C3orf22: variants seen among roughly 807,000 people sequenced by gnomAD.
C3orf22 encodes the protein uncharacterized protein C3orf22.
Under a neutral mutation model 10.8 loss-of-function variants are expected in C3orf22, and 7 were observed. The ratio of observed to expected loss-of-function variants is 0.65; its 90% CI spans 0.37 to 1.22. The LOEUF is 1.22. Among genes scored for constraint, C3orf22 ranks in the 50% most tolerant of loss-of-function variants. The pLI is 0.02. For missense variants in C3orf22, 173 were observed against 177.0 expected (o/e 0.98, Z 0.13); for synonymous variants, 79 against 78.9 (o/e 1.00, Z 0.00).
Position 126,552,023 on chromosome 3 carries a change from C to A in C3orf22, c.189G>T (p.Val63=). ...TVQLPLQKRL[V]PTRSIPVRGL... Reference sequence around the variant, plus strand: ...CTCGGACTGGGATGGACCTCGTTGGCACCAACCTCTTCTGCAGGGGCAGCT... The same window carrying A: ...CTCGGACTGGGATGGACCTCGTTGGAACCAACCTCTTCTGCAGGGGCAGCT... Residue 63 remains valine (V), a synonymous_variant, in exon 3 of 4, where the codon GTG becomes GTT. Coordinates refer to ENST00000318225, the MANE Select transcript of C3orf22 (RefSeq NM_152533.3). 6.2e-7 allele frequency: 1 copy of A among 1,613,444 alleles called. No individual in the cohort carries two copies. The highest frequency in any genetic ancestry group is 2.2e-5 in the East Asian group (1 of 44,846).
intron 1 of C3orf22, 133 bp from the exon 2 acceptor site, chr3:126,553,563 G>A (rs1050010418): frequency 4.8e-5 from 30 of 626,930 alleles, no homozygotes; most frequent in East Asian, 3.5e-4. Context: ...TGCATGCACC[G>A]CTGTGTTCAA....
chr3:126,544,113 A>G (rs574158777), intron 4 of C3orf22, among the ~76,000 whole-genome samples: 1 of 152,378 alleles, frequency 6.6e-6, no homozygotes, highest in East Asian at 1.9e-4. Flanking sequence ...TCCCTCACGG[A>G]TCAATTAATC....
intron 1 of C3orf22, among the ~76,000 whole-genome samples, chr3:126,556,673 CACAG>C (rs1300989382): frequency 5.9e-5 from 9 of 151,628 alleles, no homozygotes; most frequent in Non-Finnish European, 7.4e-5. Flanking sequence ...CACTCACTCT[CACAG>C]ACACACACAC....
intron 4 of C3orf22, among the ~76,000 whole-genome samples, chr3:126,539,777 A>ACACACAC (rs1464592988): frequency 0.04 from 2,843 of 70,372 alleles, 148 homozygotes; most frequent in African/African-American, 0.11. Flanking sequence ...CACACAGCAC[A>ACACACAC]CACACACCAC....
downstream of C3orf22, among the ~76,000 whole-genome samples, chr3:126,546,575 C>A (rs1223715642): frequency 1.3e-5 from 2 of 152,192 alleles, no homozygotes; most frequent in Non-Finnish European, 2.9e-5. Flanking sequence ...CCGCCTCTCC[C>A]TCTCACACAG....
At chr3:126,549,091 C>CCA (rs1356912155), downstream of C3orf22, among the ~76,000 whole-genome samples, 1 of 152,162 alleles carries the variant, frequency 6.6e-6, no homozygotes, top group East Asian at 1.9e-4. Flanking sequence ...CCTCCAGCAG[C>CCA]CACACCACGC....
At chr3:126,538,798 A>T (rs1936857746) in intron 4 of C3orf22, among the ~76,000 whole-genome samples, 1 of 152,110 alleles carries the variant, frequency 6.6e-6, no homozygotes, top group South Asian at 2.1e-4. Context: ...TCCCATGGTG[A>T]GTGTGGCTAA....
chr3:126,539,221 G>A (rs1329851971), intron 4 of C3orf22, among the ~76,000 whole-genome samples: 2 of 152,142 alleles, frequency 1.3e-5, no homozygotes, highest in Admixed American at 1.3e-4. Flanking sequence ...TCCCAGCCTT[G>A]TGGATTCTGT....
At chr3:126,553,457 G>A in intron 1 of C3orf22, 27 bp from the exon 2 acceptor site, 2 of 1,395,944 alleles carry the variant, frequency 1.4e-6, no homozygotes, top group Non-Finnish European at 1.0e-6. Flanking sequence ...GGCGTCAGAG[G>A]GGGCAGGGGT....
At chr3:126,548,986 C>T (rs1375326397), downstream of C3orf22, among the ~76,000 whole-genome samples, 2 of 152,168 alleles carry the variant, frequency 1.3e-5, no homozygotes, top group Non-Finnish European at 2.9e-5. Flanking sequence ...CTTTCTAGCC[C>T]CTGTATTTGT....
chr3:126,544,705 C>T (rs1937037573), downstream of C3orf22, among the ~76,000 whole-genome samples: 1 of 152,254 alleles, frequency 6.6e-6, no homozygotes, highest in Non-Finnish European at 1.5e-5. Context: ...AGGTGTCTCA[C>T]AATTAGATGT....
chr3:126,537,017 G>A (rs150306901), intron 4 of C3orf22, among the ~76,000 whole-genome samples: 2,728 of 152,228 alleles, frequency 0.018, 39 homozygotes, highest in Middle Eastern at 0.037. Flanking sequence ...CAGCAAGCAG[G>A]TTGGCCAGGT....
intron 4 of C3orf22, chr3:126,529,519 G>T: frequency 1.7e-6 from 1 of 594,758 alleles, no homozygotes; most frequent in Non-Finnish European, 2.5e-6. Context: ...TGAGGCCTCG[G>T]GCAAGTTTCT....
intron 3 of C3orf22, among the ~76,000 whole-genome samples, chr3:126,550,331 G>A (rs1274322213): frequency 1.3e-5 from 2 of 152,146 alleles, no homozygotes; most frequent in Admixed American, 6.5e-5. Context: ...GAATCTAGGA[G>A]CCTCCCCAGT....
intron 2 of C3orf22, 41 bp downstream of exon 2, chr3:126,553,261 G>C (rs546403064): frequency 7.1e-7 from 1 of 1,401,734 alleles, no homozygotes; most frequent in South Asian, 1.2e-5. Flanking sequence ...GGTGACCTGG[G>C]GGAGGCAGGG....
intron 1 of C3orf22, among the ~76,000 whole-genome samples, chr3:126,556,738 C>A (rs532562880): frequency 1.9e-4 from 28 of 150,982 alleles, no homozygotes; most frequent in Middle Eastern, 3.5e-3. Context: ...CAGACTCATA[C>A]TCACAGACTC....
chr3:126,551,727 C>A (rs1937191135), intron 3 of C3orf22, among the ~76,000 whole-genome samples: 1 of 152,216 alleles, frequency 6.6e-6, no homozygotes, highest in Non-Finnish European at 1.5e-5. Context: ...GCACTGAGGC[C>A]AGTTTCTCCA....
rs1576238008 is a variant in C3orf22, at chr3:126,541,850, C to G, written c.286+7687G>C. ...ACAGCCGGAGGACCTGCGGCACGTGCTGGTGGACGACGCGCATGGCCTGCT... is the reference window on the plus strand; with the variant it reads ...ACAGCCGGAGGACCTGCGGCACGTGGTGGTGGACGACGCGCATGGCCTGCT... On this transcript the variant is annotated intron_variant and NMD_transcript_variant, in intron 4 of 5. Coordinates refer to the C3orf22 transcript ENST00000505070. The G allele has an allele frequency of 1.3e-6, 2 of 1,584,994 alleles. No homozygotes were observed. The highest frequency in any genetic ancestry group is 2.3e-5 in the East Asian group (1 of 43,014).
intron 4 of C3orf22, chr3:126,529,425 C>T (rs556648452): frequency 2.3e-6 from 3 of 1,285,234 alleles, no homozygotes; most frequent in Non-Finnish European, 3.0e-6. Context: ...CACCCAGAGG[C>T]AGGGCAGCAT....
Sources: allele counts gnomAD v4.1 joint callset (sites outside exome capture counted in the v4.1 genomes callset), GRCh38; gene constraint gnomAD v4.1.1; transcripts MANE v1.5; gene names NCBI Gene and HGNC (gene_info 2026-07-23, HGNC 2026-07-21).